The following CAMK2B variants were observed in gnomAD, a reference collection of about 807,000 sequenced individuals.
The protein encoded by CAMK2B is calcium/calmodulin-dependent protein kinase type II subunit beta.
CAMK2B carries 27 observed loss-of-function variants against 93.7 expected under a neutral mutation model. That is an observed-to-expected ratio of 0.29 (90% CI 0.21 to 0.40). The LOEUF (loss-of-function observed/expected upper bound fraction) is 0.40. CAMK2B is among the 10% of genes least tolerant of loss of function. CAMK2B has a pLI of 1.00. For synonymous variants in CAMK2B, 374 were observed against 358.8 expected (o/e 1.04, Z -0.48); for missense variants, 568 against 895.8 (o/e 0.63, Z 4.67).
rs146912023 is a variant in CAMK2B at position 44,289,994 on chromosome 7, G to A, written c.66-5769C>T. ...TGGGGCCTGTGCCACCCCAGCCAGG[G>A]CTGCCTGCATCAGTCCTGAGCCTCA... On this transcript the variant is annotated intron_variant, in intron 1 of 23. Transcript: ENST00000395749. Among the ~76,000 whole-genome samples the A allele has an allele frequency of 6.2e-3, 942 of 152,304 alleles. 6 individuals are homozygous for A. The highest frequency in any genetic ancestry group is 0.021 in the African/African-American group (883 of 41,560).
chr7:44,275,409 C>T (rs962378842), intron 2 of CAMK2B, among the ~76,000 whole-genome samples: 2 of 152,250 alleles, frequency 1.3e-5, no homozygotes, highest in African/African-American at 2.4e-5. Flanking sequence ...CCGCGCAGCC[C>T]GGCTCCCTGT....
At chr7:44,307,728 G>A (rs573640723) in intron 1 of CAMK2B, among the ~76,000 whole-genome samples, 189 of 152,268 alleles carry the variant, frequency 1.2e-3, no homozygotes, top group Non-Finnish European at 1.8e-3. Context: ...GGGCCACCTG[G>A]AAGGAGCCTG....
intron 5 of CAMK2B, among the ~76,000 whole-genome samples, chr7:44,253,241 C>T (rs1161012951): frequency 1.0e-4 from 15 of 145,806 alleles, no homozygotes; most frequent in South Asian, 2.2e-4. Context: ...CAGAGTTTTG[C>T]TCTTGTTGCC....
Position 44,232,979 on chromosome 7 carries a change from C to T in CAMK2B, c.1132-113G>A, listed in dbSNP as rs1291993499. ...ACAGAGGAGGTGTGGGTGGCCAGAG[C>T]CTGCGAGAAAGAAGTGCAGAGCAGA... On this transcript the variant is annotated intron_variant, in intron 15 of 23. Coordinates refer to ENST00000395749, the MANE Select transcript of CAMK2B (RefSeq NM_001220.5). 4 of 933,676 alleles carry T rather than the reference C, an allele frequency of 4.3e-6. No homozygotes were observed. The Admixed American group carries it at 7.9e-5, about 19-fold the overall frequency. 57.8% of individuals were successfully genotyped at this position (933,676 alleles called of 1,614,324 possible). A position where few individuals can be genotyped will look rare whatever the true frequency, so the allele number is the denominator to read the frequency against.
chr7:44,287,507 G>A (rs1203227714), intron 1 of CAMK2B, among the ~76,000 whole-genome samples: 2 of 152,156 alleles, frequency 1.3e-5, no homozygotes, highest in Non-Finnish European at 2.9e-5. Context: ...AATCTGTCAC[G>A]GGAAGCCCCC....
At chr7:44,313,050 T>C (rs1584906426) in intron 1 of CAMK2B, among the ~76,000 whole-genome samples, 1 of 151,992 alleles carries the variant, frequency 6.6e-6, no homozygotes, top group Admixed American at 6.6e-5. Flanking sequence ...TCGGGGCTGG[T>C]GCGCTTCCTC....
intron 1 of CAMK2B, among the ~76,000 whole-genome samples, chr7:44,284,936 G>C (rs969373053): frequency 3.3e-5 from 5 of 152,184 alleles, no homozygotes; most frequent in African/African-American, 1.2e-4. Context: ...GAGGGGAGGA[G>C]GGACGGGGGA....
chr7:44,229,126 G>A (rs2096552587), intron 18 of CAMK2B: 1 of 647,008 alleles, frequency 1.5e-6, no homozygotes, highest in Non-Finnish European at 2.8e-6. Context: ...CGACCCTGAA[G>A]ACTGGAATTG....
rs764350868 is a variant in CAMK2B, at chr7:44,271,342, C to T, written c.161-8278G>A. On this transcript the variant is annotated intron_variant, in intron 2 of 23. Transcript: ENST00000395749. This position sits in a 1 kb window ranked among gnomAD's most constrained non-coding sequence, Gnocchi z 4.2. ...TTCACTTCAAGGCTAAACTTGACTG[C>T]GCTCGCACACTAGTGACAGAGTACT... Among the ~76,000 whole-genome samples the T allele has an allele frequency of 6.6e-6, 1 of 152,220 alleles. No individual in the cohort carries two copies. Among genetic ancestry groups the T allele is most frequent in the African/African-American group, 2.4e-5 (1 of 41,448 alleles).
chr7:44,245,922 A>G (rs1383307517), intron 6 of CAMK2B, among the ~76,000 whole-genome samples: 1 of 152,126 alleles, frequency 6.6e-6, no homozygotes, highest in African/African-American at 2.4e-5. Flanking sequence ...AGGCTGAACC[A>G]AGCCTTGGGG....
At chr7:44,253,918 T>G (rs868644898) in intron 5 of CAMK2B, among the ~76,000 whole-genome samples, 1 of 152,030 alleles carries the variant, frequency 6.6e-6, no homozygotes, top group East Asian at 1.9e-4. Context: ...TTTTTTTTTT[T>G]TTTAAATACA....
rs750321825 is a variant in CAMK2B at position 44,271,762 on chromosome 7, C to A, written c.161-8698G>T. On this transcript the variant is annotated intron_variant, in intron 2 of 23. Transcript: ENST00000395749. This position sits in a 1 kb window ranked among gnomAD's most constrained non-coding sequence, Gnocchi z 4.2. The stretch of plus-strand genomic sequence containing the variant: ...GACCCCAAAGTCAGCTTGGGCCATG[C>A]GGCAGGGACTGCCCATCCAGTCTCA... Among the ~76,000 whole-genome samples, 3 of 152,246 alleles carry A rather than the reference C, an allele frequency of 2.0e-5. No homozygotes were observed. Among genetic ancestry groups the A allele is most frequent in the South Asian group, 2.1e-4 (1 of 4,832 alleles).
At chr7:44,243,739 C>A (rs2096704645) in intron 6 of CAMK2B, among the ~76,000 whole-genome samples, 2 of 152,198 alleles carry the variant, frequency 1.3e-5, no homozygotes, top group South Asian at 4.1e-4. Flanking sequence ...GCCCCTCTGC[C>A]CCTGGGGACA....
intron 4 of CAMK2B, 98 bp downstream of exon 4, chr7:44,258,773 CG>C (rs1486483100): frequency 2.8e-6 from 3 of 1,084,106 alleles, no homozygotes; most frequent in Non-Finnish European, 4.2e-6. Context: ...GGCCAGCCCA[CG>C]GGTAGGGACT....
At chr7:44,236,466 C>G (rs1033699829) in intron 13 of CAMK2B, among the ~76,000 whole-genome samples, 16 of 152,250 alleles carry the variant, frequency 1.1e-4, no homozygotes, top group East Asian at 1.9e-4. Flanking sequence ...GTCCCCAGGC[C>G]TAAGGCCCCT....
chr7:44,290,112 T>C (rs1477582121), intron 1 of CAMK2B, among the ~76,000 whole-genome samples: 2 of 152,170 alleles, frequency 1.3e-5, no homozygotes, highest in African/African-American at 2.4e-5. Context: ...CCCCCTCAGA[T>C]TCCCAACAAC....
At chr7:44,270,314 G>A (rs2096962699) in intron 2 of CAMK2B, among the ~76,000 whole-genome samples, 1 of 152,216 alleles carries the variant, frequency 6.6e-6, no homozygotes, top group Non-Finnish European at 1.5e-5. Context: ...CCTGGAAGCA[G>A]TGGCTGGGGA....
intron 2 of CAMK2B, among the ~76,000 whole-genome samples, chr7:44,278,855 G>C (rs2097076331): frequency 6.6e-6 from 1 of 152,248 alleles, no homozygotes; most frequent in African/African-American, 2.4e-5. Context: ...TTCCCTCAAA[G>C]CCGGGGTGGT....
chr7:44,299,241 G>A (rs988443087), intron 1 of CAMK2B, among the ~76,000 whole-genome samples: 4 of 152,180 alleles, frequency 2.6e-5, no homozygotes, highest in African/African-American at 9.7e-5. Context: ...CTACAACATA[G>A]ACATATCTTG....
Sources: gnomAD v4.1 joint callset for allele counts (sites outside exome capture counted in the v4.1 genomes callset) on GRCh38, gnomAD v4.1.1 for gene constraint, Gnocchi (gnomAD v3.1) non-coding constraint, MANE v1.5 for transcripts, NCBI Gene and HGNC (gene_info 2026-07-23, HGNC 2026-07-21) for gene names.